Variants in IRAG1 observed in about 807,000 individuals in gnomAD.
IRAG1 encodes IP3R-associated cGMP kinase substrate.
Under a neutral mutation model 106.2 loss-of-function variants are expected in IRAG1, and 62 were observed. That is an observed-to-expected ratio of 0.58 (90% confidence interval 0.48 to 0.72). IRAG1 has a LOEUF of 0.72. Among genes scored for constraint, IRAG1 ranks in the 30% least tolerant of loss-of-function variants. The pLI, the probability that IRAG1 is intolerant of heterozygous loss-of-function variation, is 0.00. For synonymous variants in IRAG1, 462 were observed against 443.9 expected (o/e 1.04, Z -0.51); for missense variants, 1,064 against 1,140.7 (o/e 0.93, Z 0.97).
chr11:10,644,186 CTT>C (rs1193629002), intron 2 of IRAG1, among the ~76,000 whole-genome samples: 1 of 152,202 alleles, frequency 6.6e-6, no homozygotes, highest in African/African-American at 2.4e-5. Context: ...CAGTGGGAAA[CTT>C]GAGTTTGAAT....
chr11:10,628,173 A>G lies in IRAG1; in HGVS notation c.653-148T>C. The G allele has an allele frequency of 1.2e-6, 1 of 819,516 alleles. No homozygotes were observed. The highest frequency in any genetic ancestry group is 2.0e-5 in the Admixed American group (1 of 50,036). The allele number at this position is 819,516 out of a possible 1,614,324, so 50.8% of individuals were successfully genotyped here. A position where few individuals can be genotyped will look rare whatever the true frequency, so the allele number is the denominator to read the frequency against. On this transcript the variant is annotated intron_variant, in intron 6 of 20. Transcript: ENST00000423302. This position sits in a 1 kb window ranked among gnomAD's most constrained non-coding sequence, Gnocchi z 4.1. ...ACTACCTCCCGTGTGCCAGGTTCTC[A>G]GGTGGGCCCTCACAGAATGTTCACA...
chr11:10,587,581 A>G (rs1852156910), intron 18 of IRAG1, among the ~76,000 whole-genome samples: 1 of 152,202 alleles, frequency 6.6e-6, no homozygotes, highest in Non-Finnish European at 1.5e-5. Context: ...GTGCTTCAAG[A>G]GTATAGAAAC....
chr11:10,578,179 A>G (rs1851020953), intron 20 of IRAG1, among the ~76,000 whole-genome samples: 1 of 152,196 alleles, frequency 6.6e-6, no homozygotes, highest in South Asian at 2.1e-4. Context: ...TTAGAAATAG[A>G]ATTTCTTTAG....
intron 2 of IRAG1, among the ~76,000 whole-genome samples, chr11:10,639,749 G>T (rs567510239): frequency 6.6e-6 from 1 of 152,158 alleles, no homozygotes; most frequent in Non-Finnish European, 1.5e-5. Context: ...TTTTTGTGCA[G>T]ATTGTCTTCA....
chr11:10,643,361 T>G (rs1297422208), intron 2 of IRAG1, among the ~76,000 whole-genome samples: 2 of 152,128 alleles, frequency 1.3e-5, no homozygotes, highest in African/African-American at 4.8e-5. Context: ...CCCCGGTGTC[T>G]TCCCTATAGG....
Position 10,587,385 on chromosome 11 carries a change from G to A in IRAG1, c.2240+4163C>T, listed in dbSNP as rs1050405297. Among the ~76,000 whole-genome samples, 16 of 152,182 alleles carry A rather than the reference G, an allele frequency of 1.1e-4. No homozygotes were observed. The East Asian group carries it at 2.7e-3, about 26-fold the overall frequency. On this transcript the variant is annotated intron_variant, in intron 18 of 20. Transcript: ENST00000423302. ...CCACTGCCATGGTTCCCTCTGACAAGCCCAGCCCAGGGAACCCAAGCTTCC... is the reference window on the plus strand; with the variant it reads ...CCACTGCCATGGTTCCCTCTGACAAACCCAGCCCAGGGAACCCAAGCTTCC...
intron 10 of IRAG1, 54 bp from the exon 11 acceptor site, chr11:10,609,905 G>A: frequency 6.4e-7 from 1 of 1,573,624 alleles, no homozygotes; most frequent in Non-Finnish European, 8.7e-7. Context: ...CAGTAGTACT[G>A]TTGGCAGCTA....
intron 11 of IRAG1, among the ~76,000 whole-genome samples, chr11:10,609,346 T>G (rs914250666): frequency 2.0e-5 from 3 of 152,184 alleles, no homozygotes; most frequent in African/African-American, 7.2e-5. Flanking sequence ...AGTTCAAGAT[T>G]ATCTTGGGCA....
intron 2 of IRAG1, among the ~76,000 whole-genome samples, chr11:10,636,771 G>T (rs771357746): frequency 1.6e-4 from 24 of 152,360 alleles, no homozygotes; most frequent in African/African-American, 5.3e-4. Context: ...AGACTCTATA[G>T]AGGAGTGGAC....
Position 10,628,054 on chromosome 11 carries a change from G to A in IRAG1, c.653-29C>T. On this transcript the variant is annotated intron_variant, in intron 6 of 20. Coordinates refer to ENST00000423302, the MANE Select transcript of IRAG1 (RefSeq NM_130385.4). The surrounding 1 kb of genome is among the most constrained non-coding windows in gnomAD (Gnocchi z 4.1). ...GAAGGGTCCAGACACTAGTGAGTGA[G>A]GCCCAGCAGCCCAGGCCCTCAGCTG... The A allele has an allele frequency of 6.2e-7, 1 of 1,612,858 alleles. No homozygotes were observed.
chr11:10,598,793 T>C (rs1205263796), intron 15 of IRAG1, among the ~76,000 whole-genome samples: 1 of 152,224 alleles, frequency 6.6e-6, no homozygotes, highest in Non-Finnish European at 1.5e-5. Context: ...TAATCTAAAA[T>C]GCAGATAATT....
rs372059888 is a variant in IRAG1 at position 10,623,821 on chromosome 11, C to A, written c.1404G>T (p.Gly468=). 2.5e-6 allele frequency: 4 copies of A among 1,613,904 alleles called. No homozygotes were observed. The highest frequency in any genetic ancestry group is 3.3e-5 in the Admixed American group (2 of 59,998). ...CTTCACTAAGGTCTGGAAGCTTGAG[C>A]CCCACTAAGTTCTGATTTCTCATCA... ...HILMRNQNLV[G]LKLPDLSEAA... Residue 468 remains glycine, a synonymous_variant, in exon 10 of 21, where the codon GGG becomes GGT. Transcript: ENST00000423302.
chr11:10,582,456 T>A (rs1352575110), intron 18 of IRAG1, among the ~76,000 whole-genome samples: 2 of 151,980 alleles, frequency 1.3e-5, no homozygotes, highest in Non-Finnish European at 2.9e-5. Flanking sequence ...TTTACCAACA[T>A]GGAACTTAGC....
At chr11:10,588,664 CT>C (rs1283487238) in intron 18 of IRAG1, among the ~76,000 whole-genome samples, 31 of 152,278 alleles carry the variant, frequency 2.0e-4, no homozygotes, top group African/African-American at 7.2e-4. Flanking sequence ...GAATCATTTT[CT>C]AAGCTCTCTC....
intron 14 of IRAG1, 48 bp from the exon 15 acceptor site, chr11:10,601,107 T>A: frequency 1.2e-6 from 2 of 1,608,304 alleles, no homozygotes; most frequent in Admixed American, 3.3e-5. Context: ...GAGGAAAGGC[T>A]CCGTTGGCAC....
intron 1 of IRAG1, chr11:10,687,878 G>T (rs531088327): frequency 4.7e-5 from 49 of 1,035,752 alleles, no homozygotes; most frequent in Middle Eastern, 5.0e-4. Flanking sequence ...CTTTTTTTTG[G>T]GGGGGGGTGG....
intron 1 of IRAG1, among the ~76,000 whole-genome samples, chr11:10,683,488 G>A (rs907874964): frequency 4.6e-5 from 7 of 152,154 alleles, no homozygotes; most frequent in African/African-American, 1.7e-4. Flanking sequence ...AAGTAAGGAT[G>A]TCCCTCTTCC....
At chr11:10,577,283 C>T (rs1591526373) in intron 20 of IRAG1, among the ~76,000 whole-genome samples, 1 of 152,278 alleles carries the variant, frequency 6.6e-6, no homozygotes, top group African/African-American at 2.4e-5. Flanking sequence ...TCCTCTTCTT[C>T]CTTCACTCTC....
At chr11:10,674,373 G>A (rs1241740739) in intron 1 of IRAG1, among the ~76,000 whole-genome samples, 4 of 152,110 alleles carry the variant, frequency 2.6e-5, no homozygotes, top group Non-Finnish European at 4.4e-5. Context: ...TCAAATAAAC[G>A]GGTTTTTACA....
Sources: gnomAD v4.1 joint callset for allele counts (sites outside exome capture counted in the v4.1 genomes callset) on GRCh38, gnomAD v4.1.1 for gene constraint, Gnocchi (gnomAD v3.1) non-coding constraint, MANE v1.5 for transcripts, NCBI Gene and HGNC (gene_info 2026-07-23, HGNC 2026-07-21) for gene names.